Variants in DLG2 observed in about 807,000 individuals in gnomAD.
DLG2 encodes disks large homolog 2.
In DLG2, 45 loss-of-function variants were observed where a neutral mutation model predicts 132.5. The observed-to-expected ratio is 0.34, with a 90% CI of 0.27 to 0.44. The LOEUF (loss-of-function observed/expected upper bound fraction) is 0.44. DLG2 is among the 20% of genes least tolerant of loss of function. The pLI is 1.00. For synonymous variants in DLG2, 424 were observed against 419.6 expected (o/e 1.01, Z -0.13); for missense variants, 1,045 against 1,196.9 (o/e 0.87, Z 1.87).
intron 6 of DLG2, among the ~76,000 whole-genome samples, chr11:84,624,868 T>TTTTTTTTTTTTTTTTTTTTTTTTTTG: frequency 9.6e-6 from 1 of 103,764 alleles, no homozygotes; most frequent in East Asian, 2.2e-4. Flanking sequence ...TTTTTTTTTT[T>TTTTTTTTTTTTTTTTTTTTTTTTTTG]TTTTTTTGAG....
chr11:85,262,234 C>T (rs1398041977), intron 4 of DLG2, among the ~76,000 whole-genome samples: 1 of 152,112 alleles, frequency 6.6e-6, no homozygotes, highest in African/African-American at 2.4e-5. Context: ...CAGGCCAGGT[C>T]TGACTAATGT....
At chr11:83,484,343 A>G (rs1591622478) in intron 21 of DLG2, 115 bp from the exon 22 acceptor site, 2 of 729,390 alleles carry the variant, frequency 2.7e-6, no homozygotes, top group East Asian at 5.2e-5. Context: ...ACGCAAGTGG[A>G]TAATTCTAAA....
rs145273486 is a variant in DLG2 at position 84,629,573 on chromosome 11, G to C, written c.358-94842C>G. ...CATGTGAAAACTTTGAAGAGTTCAA[G>C]TTCTTCCTTAGGTTATAATATTTAG... On this transcript the variant is annotated intron_variant, in intron 6 of 27. Coordinates refer to ENST00000376104, the MANE Select transcript of DLG2 (RefSeq NM_001142699.3). 1.7e-3 allele frequency among the ~76,000 whole-genome samples: 262 copies of C among 152,286 alleles called. 2 individuals are homozygous for C. The highest frequency in any genetic ancestry group is 6.1e-3 in the African/African-American group (253 of 41,566).
At chr11:85,625,783 G>T (rs919565411) in intron 2 of DLG2, among the ~76,000 whole-genome samples, 8 of 152,174 alleles carry the variant, frequency 5.3e-5, no homozygotes, top group Non-Finnish European at 1.2e-4. Flanking sequence ...ACTCTTTACA[G>T]TTGATCTCAC....
intron 17 of DLG2, among the ~76,000 whole-genome samples, chr11:83,797,245 A>C (rs11233749): frequency 1.3e-5 from 2 of 150,800 alleles, no homozygotes; most frequent in African/African-American, 4.9e-5. Flanking sequence ...AAGAAGAAGA[A>C]GATGATGATG....
intron 19 of DLG2, among the ~76,000 whole-genome samples, chr11:83,621,859 C>T (rs540870055): frequency 2.0e-5 from 3 of 152,054 alleles, no homozygotes; most frequent in Admixed American, 6.5e-5. Flanking sequence ...TGTGTTCCCC[C>T]GTCCCACACC....
At chr11:83,589,660 T>A (rs1405436313) in intron 19 of DLG2, among the ~76,000 whole-genome samples, 6 of 148,554 alleles carry the variant, frequency 4.0e-5, no homozygotes, top group Admixed American at 4.0e-4. Context: ...TAAATGTAAA[T>A]GGACTAAATG....
intron 3 of DLG2, among the ~76,000 whole-genome samples, chr11:85,448,366 C>A (rs1037317604): frequency 2.0e-5 from 3 of 151,982 alleles, no homozygotes; most frequent in Admixed American, 2.0e-4. Flanking sequence ...GAGCAGAGAC[C>A]TTGAGATAAG....
At chr11:85,108,084 A>C (rs150799379) in intron 6 of DLG2, among the ~76,000 whole-genome samples, 1 of 152,092 alleles carries the variant, frequency 6.6e-6, no homozygotes, top group East Asian at 1.9e-4. Context: ...GCAATATGTA[A>C]CTGGTGACAG....
intron 3 of DLG2, among the ~76,000 whole-genome samples, chr11:85,304,698 G>A (rs974871938): frequency 6.6e-6 from 1 of 152,048 alleles, no homozygotes; most frequent in Non-Finnish European, 1.5e-5. Flanking sequence ...AAGCATTTCC[G>A]ATAAACGATA....
At position 85,012,144 on chromosome 11, in the gene DLG2, T is replaced by TACTAAAAATAC. The variant is rs1429421772; in HGVS notation, c.357+99516_357+99517insGTATTTTTAGT. 9.0e-3 allele frequency among the ~76,000 whole-genome samples: 179 copies of TACTAAAAATAC among 19,826 alleles called. 3 individuals carry two copies. The highest frequency in any genetic ancestry group is 0.071 in the East Asian group (4 of 56). 13.0% of individuals were successfully genotyped at this position (19,826 alleles called of 152,430 possible). A position where few individuals can be genotyped will look rare whatever the true frequency, so the allele number is the denominator to read the frequency against. ...CGAGACCAGCCTGACCAACATAATC[T>TACTAAAAATAC]ATGTGAAATGACCTAGATAAAAGAG... On this transcript the variant is annotated intron_variant, in intron 6 of 27. Transcript: ENST00000376104.
rs1032040387 is a variant in DLG2 at position 84,015,381 on chromosome 11, CTTTTA to C, written c.920-34744_920-34740del. On this transcript the variant is annotated intron_variant, in intron 11 of 27. Transcript: ENST00000376104. ...TACATTTTTTTGTTTAAACTTCCAA[CTTTTA>C]TTTTAAGTTCAGGGGTACATGTGCA... is the stretch of plus-strand genomic sequence containing the variant. 7.9e-5 allele frequency among the ~76,000 whole-genome samples: 12 copies of C among 152,160 alleles called. No individual in the cohort carries two copies. In the South Asian group the frequency reaches 1.0e-3, roughly 13 times the overall value.
chr11:84,650,871 G>GTATATATATATATATATATATA (rs1398321637), intron 6 of DLG2, among the ~76,000 whole-genome samples: 6 of 124,642 alleles, frequency 4.8e-5, no homozygotes, highest in African/African-American at 1.8e-4. Context: ...GTGTGTGTGT[G>GTATATATATATATATATATATA]TGTATATATA....
chr11:83,861,121 T>C (rs1251601325), intron 16 of DLG2, among the ~76,000 whole-genome samples: 2 of 152,150 alleles, frequency 1.3e-5, no homozygotes, highest in East Asian at 1.9e-4. Flanking sequence ...ATCAGGTATA[T>C]GAAAAGGTGC....
chr11:83,855,585 T>C (rs560667458), intron 16 of DLG2, among the ~76,000 whole-genome samples: 13 of 152,304 alleles, frequency 8.5e-5, no homozygotes, highest in Middle Eastern at 3.4e-3. Flanking sequence ...CTACATACTG[T>C]ATTATTCCAA....
chr11:83,771,750 A>G (rs571972470), intron 18 of DLG2, among the ~76,000 whole-genome samples: 1 of 152,338 alleles, frequency 6.6e-6, no homozygotes, highest in Admixed American at 6.5e-5. Context: ...TAAATGGGGT[A>G]TGATTATTTC....
chr11:85,458,895 G>C (rs929789857), intron 3 of DLG2, among the ~76,000 whole-genome samples: 1 of 152,280 alleles, frequency 6.6e-6, no homozygotes, highest in Admixed American at 6.5e-5. Context: ...TGGGCAGAAG[G>C]GGAAGGGATC....
intron 22 of DLG2, among the ~76,000 whole-genome samples, chr11:83,481,371 TTTAATTAAA>T (rs2093090779): frequency 6.7e-6 from 1 of 150,308 alleles, no homozygotes; most frequent in Admixed American, 6.6e-5. Flanking sequence ...TGTATATTAC[TTTAATTAAA>T]TGAAGAACAT....
intron 4 of DLG2, among the ~76,000 whole-genome samples, chr11:85,250,080 A>G (rs2076325477): frequency 6.6e-6 from 1 of 152,166 alleles, no homozygotes; most frequent in Non-Finnish European, 1.5e-5. Context: ...GGCCCAGCCC[A>G]AAGGAGGGAG....
Sources: gnomAD v4.1 joint callset for allele counts (sites outside exome capture counted in the v4.1 genomes callset) on GRCh38, gnomAD v4.1.1 for gene constraint, MANE v1.5 for transcripts, NCBI Gene and HGNC (gene_info 2026-07-23, HGNC 2026-07-21) for gene names.